Variants in JAKMIP2 observed in about 807,000 individuals in gnomAD.
The protein encoded by JAKMIP2 is janus kinase and microtubule interacting protein 2, also known as janus kinase and microtubule-interacting protein 2.
In JAKMIP2, 25 loss-of-function variants were observed where a neutral mutation model predicts 115.0. The observed-to-expected ratio is 0.22, with a 90% CI of 0.16 to 0.30. The LOEUF is 0.30. Ranked by LOEUF, JAKMIP2 falls within the 10% of genes least tolerant of loss-of-function variation. The pLI, the probability that JAKMIP2 is intolerant of heterozygous loss-of-function variation, is 1.00. For missense variants in JAKMIP2, 642 were observed against 957.6 expected (o/e 0.67, Z 4.35); for synonymous variants, 334 against 343.6 (o/e 0.97, Z 0.31).
intron 1 of JAKMIP2, among the ~76,000 whole-genome samples, chr5:147,759,361 G>C (rs1231068674): frequency 6.6e-6 from 1 of 152,124 alleles, no homozygotes; most frequent in African/African-American, 2.4e-5. Context: ...ATTTTTTAAA[G>C]ATAGTTTTGT....
In JAKMIP2 at chr5:147,633,970, G is replaced by T. The variant is rs116995975; in HGVS notation, c.1678-1192C>A. ...CTCCCAATGTGCTAGGATTACAGGC[G>T]TGAGCCATTGTGCCCGGCTGTCATC... On this transcript the variant is annotated intron_variant, in intron 12 of 21. Transcript: ENST00000616793. 6.5e-3 allele frequency among the ~76,000 whole-genome samples: 984 copies of T among 152,248 alleles called. 51 individuals are homozygous for T. In the East Asian group the frequency reaches 0.13, roughly 21 times the overall value.
At chr5:147,604,766 C>T (rs1755902384) in intron 20 of JAKMIP2, among the ~76,000 whole-genome samples, 1 of 151,592 alleles carries the variant, frequency 6.6e-6, no homozygotes, top group African/African-American at 2.4e-5. Flanking sequence ...CTATTTCCCT[C>T]AGCAGAATAT....
intron 2 of JAKMIP2, among the ~76,000 whole-genome samples, chr5:147,665,573 C>T (rs531350301): frequency 2.6e-5 from 4 of 152,292 alleles, no homozygotes; most frequent in Non-Finnish European, 5.9e-5. Context: ...CAGTGAAAAA[C>T]TGTACTAAAA....
In JAKMIP2 at chr5:147,693,679, C is replaced by T. The variant is rs572245956; in HGVS notation, c.-148-21725G>A. 3.3e-5 allele frequency among the ~76,000 whole-genome samples: 5 copies of T among 152,046 alleles called. No homozygotes were observed. In the East Asian group the frequency reaches 9.7e-4, roughly 29 times the overall value. On this transcript the variant is annotated intron_variant, in intron 1 of 21. Transcript: ENST00000616793. ...AATAAAAAAAAAATTGGAATTAAAA[C>T]TCCCTGCTTTCATTCTTTTGAAAGC...
At chr5:147,747,839 C>G (rs1358366006) in intron 1 of JAKMIP2, among the ~76,000 whole-genome samples, 1 of 152,112 alleles carries the variant, frequency 6.6e-6, no homozygotes, top group Non-Finnish European at 1.5e-5. Flanking sequence ...GTTTTCCTGC[C>G]TTTGTATCTT....
chr5:147,604,751 C>T (rs956758857), intron 20 of JAKMIP2, among the ~76,000 whole-genome samples: 3 of 151,856 alleles, frequency 2.0e-5, no homozygotes, highest in Admixed American at 6.6e-5. Flanking sequence ...TCTTTGGCAT[C>T]CTTGCTATTT....
intron 3 of JAKMIP2, among the ~76,000 whole-genome samples, chr5:147,656,840 T>C (rs941009958): frequency 1.2e-4 from 19 of 152,238 alleles, no homozygotes; most frequent in African/African-American, 3.6e-4. Flanking sequence ...TTTCTTTCTA[T>C]ATTTAGTGCT....
chr5:147,636,829 C>T, intron 11 of JAKMIP2, 136 bp downstream of exon 11: 1 of 763,466 alleles, frequency 1.3e-6, no homozygotes, highest in Non-Finnish European at 2.4e-6. Flanking sequence ...CAGAGTTGAA[C>T]ATTCTAACGC....
intron 14 of JAKMIP2, 130 bp from the exon 15 acceptor site, chr5:147,629,876 C>T (rs1369838461): frequency 1.5e-6 from 1 of 659,598 alleles, no homozygotes; most frequent in Non-Finnish European, 2.6e-6. Flanking sequence ...TCTGGCACAC[C>T]TAGTTTTAAG....
At chr5:147,716,947 T>C (rs1006633648) in intron 1 of JAKMIP2, among the ~76,000 whole-genome samples, 1 of 145,214 alleles carries the variant, frequency 6.9e-6, no homozygotes, top group Non-Finnish European at 1.5e-5. Context: ...TGGTAATGCC[T>C]AGGTTTCCTT....
At chr5:147,648,164 C>T (rs1163909050) in intron 5 of JAKMIP2, among the ~76,000 whole-genome samples, 1 of 152,114 alleles carries the variant, frequency 6.6e-6, no homozygotes, top group African/African-American at 2.4e-5. Context: ...TGGGAGGGGT[C>T]ACAAGAAGCG....
At chr5:147,766,216 T>C (rs1168110371) in intron 1 of JAKMIP2, among the ~76,000 whole-genome samples, 1 of 152,112 alleles carries the variant, frequency 6.6e-6, no homozygotes, top group East Asian at 1.9e-4. Context: ...ATAATTGTAA[T>C]CACTACCACT....
intron 13 of JAKMIP2, among the ~76,000 whole-genome samples, chr5:147,632,339 G>A (rs962643626): frequency 4.6e-5 from 7 of 152,136 alleles, no homozygotes; most frequent in Non-Finnish European, 7.4e-5. Flanking sequence ...GGATGGACAT[G>A]AGTATTTAAA....
At chr5:147,782,393 G>A (rs979832119) in intron 1 of JAKMIP2, 63 bp downstream of exon 1, 1 of 1,496,136 alleles carries the variant, frequency 6.7e-7, no homozygotes, top group African/African-American at 1.4e-5. Flanking sequence ...GGCCAGAAAT[G>A]TATACACAGG....
intron 1 of JAKMIP2, among the ~76,000 whole-genome samples, chr5:147,689,718 G>A (rs1231422810): frequency 6.6e-6 from 1 of 152,124 alleles, no homozygotes; most frequent in Non-Finnish European, 1.5e-5. Context: ...CTCTGAGGGT[G>A]TCCATGCCCT....
chr5:147,721,177 G>A (rs1174238988), intron 1 of JAKMIP2, among the ~76,000 whole-genome samples: 1 of 151,508 alleles, frequency 6.6e-6, no homozygotes, highest in African/African-American at 2.4e-5. Context: ...CAGGAGTCAG[G>A]GACCCACTTG....
Position 147,782,613 on chromosome 5 carries a change from G to C in JAKMIP2, c.-306C>G. ...CTCTGGTTGGCGATGGTGCGAATAG[G>C]AACCACCCTTCCAGCCCCACTAGAG... is the stretch of plus-strand genomic sequence containing the variant. On this transcript the variant is annotated 5_prime_UTR_variant, in exon 1 of 22. Transcript: ENST00000616793. The C allele has an allele frequency of 1.3e-6, 1 of 749,950 alleles. No individual in the cohort carries two copies. The highest frequency in any genetic ancestry group is 2.7e-5 in the East Asian group (1 of 37,158). The allele number at this position is 749,950 out of a possible 1,614,324, so 46.5% of individuals were successfully genotyped here. A position where few individuals can be genotyped will look rare whatever the true frequency, so the allele number is the denominator to read the frequency against.
At chr5:147,597,046 T>A (rs1310617021) in intron 21 of JAKMIP2, among the ~76,000 whole-genome samples, 1 of 22,460 alleles carries the variant, frequency 4.5e-5, no homozygotes, top group Non-Finnish European at 1.8e-4. Context: ...CTAATTTTTG[T>A]ATTTTTTTTT....
At chr5:147,597,865 A>C (rs1755475786) in intron 21 of JAKMIP2, among the ~76,000 whole-genome samples, 2 of 152,212 alleles carry the variant, frequency 1.3e-5, no homozygotes, top group Non-Finnish European at 2.9e-5. Flanking sequence ...GTGAATGCCT[A>C]GTAACTCCAG....
Sources: allele counts gnomAD v4.1 joint callset (sites outside exome capture counted in the v4.1 genomes callset), GRCh38; gene constraint gnomAD v4.1.1; transcripts MANE v1.5; gene names NCBI Gene and HGNC (gene_info 2026-07-23, HGNC 2026-07-21).